Variants in ATAT1 observed in about 807,000 individuals in gnomAD.
ATAT1 encodes alpha-tubulin N-acetyltransferase 1.
A neutral mutation model predicts 57.2 loss-of-function variants in ATAT1; 42 were observed. That is an observed-to-expected ratio of 0.73 (90% CI 0.57 to 0.95). The LOEUF is 0.95. ATAT1 is among the 40% of genes least tolerant of loss of function. The pLI, the probability that ATAT1 is intolerant of heterozygous loss-of-function variation, is 0.00. For missense variants in ATAT1, 454 were observed against 523.7 expected, an observed-to-expected ratio of 0.87 and a Z score of 1.30; for synonymous variants, 168 against 187.1, an observed-to-expected ratio of 0.90 and a Z score of 0.83.
chr6:30,635,974 GAA>G (rs1374294543), intron 6 of ATAT1, among the ~76,000 whole-genome samples: 3 of 152,182 alleles, frequency 2.0e-5, no homozygotes, highest in Admixed American at 2.0e-4. Context: ...TCAGTAGAGA[GAA>G]AATATTATTA....
At position 30,642,832 on chromosome 6, in the gene ATAT1, A is replaced by AGGGGGGCC; in HGVS notation, c.754_755insGGGGGCCG (p.Ala252GlyfsTer70). The AGGGGGGCC allele has an allele frequency of 4.1e-6, 5 of 1,230,736 alleles. No individual in the cohort carries two copies. Among genetic ancestry groups the AGGGGGGCC allele is most frequent in the Non-Finnish European group, 5.6e-6 (5 of 892,676 alleles). The allele number at this position is 1,230,736 out of a possible 1,614,324, so 76.2% of individuals were successfully genotyped here. A position where few individuals can be genotyped will look rare whatever the true frequency, so the allele number is the denominator to read the frequency against. On this transcript the variant is annotated frameshift_variant, in exon 10 of 13. Coordinates refer to ENST00000330083, the MANE Select transcript of ATAT1 (RefSeq NM_001031722.4). LOFTEE classifies it high-confidence loss of function. ...GGGCCCCTCGCCGCGCCACACCTCCAGCCCACCCACCCCCCCGCTCCAGCA... is the reference window on the plus strand; with the variant it reads ...GGGCCCCTCGCCGCGCCACACCTCCAGGGGGGCCGCCCACCCACCCCCCCGCTCCAGCA...
intron 10 of ATAT1, among the ~76,000 whole-genome samples, chr6:30,645,219 CTTT>C (rs11312231): frequency 1.4e-5 from 2 of 142,966 alleles, no homozygotes; most frequent in Non-Finnish European, 3.1e-5. Context: ...TCTAAGGAAT[CTTT>C]TTTTTTTTTT....
At chr6:30,630,783 T>C (rs1762689414) in intron 6 of ATAT1, among the ~76,000 whole-genome samples, 1 of 144,776 alleles carries the variant, frequency 6.9e-6, no homozygotes, top group Non-Finnish European at 1.5e-5. Flanking sequence ...ACTAAAAATA[T>C]AAAAATTAAC....
At chr6:30,645,297 C>A (rs1466996835) in intron 10 of ATAT1, among the ~76,000 whole-genome samples, 1 of 151,598 alleles carries the variant, frequency 6.6e-6, no homozygotes, top group Non-Finnish European at 1.5e-5. Flanking sequence ...CTCACTGCAA[C>A]CTCCGCCTCC....
intron 8 of ATAT1, chr6:30,641,894 G>A: frequency 8.0e-7 from 1 of 1,253,246 alleles, no homozygotes; most frequent in Non-Finnish European, 1.0e-6. Context: ...TCCCTTGGCT[G>A]CCCTTCTCCT....
chr6:30,640,734 A>G, intron 8 of ATAT1, 131 bp downstream of exon 8: 1 of 1,041,628 alleles, frequency 9.6e-7, no homozygotes, highest in Non-Finnish European at 1.4e-6. Context: ...AGCAGTCATG[A>G]CTGTTTGCCT....
chr6:30,637,690 A>C (rs535195208), intron 6 of ATAT1, among the ~76,000 whole-genome samples: 1 of 151,934 alleles, frequency 6.6e-6, no homozygotes, highest in African/African-American at 2.4e-5. Context: ...GTTAAAAAAA[A>C]AAAAAGGCCG....
chr6:30,643,365 G>A (rs1233724613), intron 10 of ATAT1: 2 of 1,450,926 alleles, frequency 1.4e-6, no homozygotes, highest in African/African-American at 1.4e-5. Flanking sequence ...CAGAGAGTGG[G>A]AAGCCACTGG....
chr6:30,634,291 G>A (rs566189505), intron 6 of ATAT1, among the ~76,000 whole-genome samples: 77 of 151,490 alleles, frequency 5.1e-4, no homozygotes, highest in Middle Eastern at 3.4e-3. Context: ...TAGCTCTGTC[G>A]CCAGGCTCAA....
At chr6:30,639,536 G>A (rs1435579333) in intron 6 of ATAT1, among the ~76,000 whole-genome samples, 1 of 150,896 alleles carries the variant, frequency 6.6e-6, no homozygotes, top group East Asian at 2.0e-4. Flanking sequence ...GAGTGCAGTG[G>A]CACGATCTCA....
intron 6 of ATAT1, among the ~76,000 whole-genome samples, chr6:30,630,275 C>G (rs1281874021): frequency 3.3e-5 from 5 of 150,210 alleles, no homozygotes; most frequent in Non-Finnish European, 5.9e-5. Context: ...GAGCCAAGAT[C>G]GCGCCACTGC....
chr6:30,638,732 A>C (rs1206364996), intron 6 of ATAT1, among the ~76,000 whole-genome samples: 2 of 152,136 alleles, frequency 1.3e-5, no homozygotes, highest in Non-Finnish European at 2.9e-5. Context: ...AGAAGTCTGA[A>C]AGTTGAGGCC....
intron 10 of ATAT1, chr6:30,643,920 C>G (rs759895766): frequency 1.1e-5 from 13 of 1,137,066 alleles, no homozygotes; most frequent in Non-Finnish European, 1.4e-5. Context: ...GGTCTAAGGG[C>G]ATCCTGTGCC....
Position 30,627,536 on chromosome 6 carries a change from T to C in ATAT1, c.132+16T>C, listed in dbSNP as rs757122096. The C allele has an allele frequency of 7.4e-6, 12 of 1,611,482 alleles. No homozygotes were observed. The highest frequency in any genetic ancestry group is 1.0e-5 in the Non-Finnish European group (12 of 1,178,408). On this transcript the variant is annotated intron_variant, in intron 2 of 12. Coordinates refer to ENST00000330083, the MANE Select transcript of ATAT1 (RefSeq NM_001031722.4). ...TTCTGCCAAGGTACTGGAGAGTTTT[T>C]AGATGGAGTAAAGGGAGGACCTCTG... is the stretch of plus-strand genomic sequence containing the variant.
chr6:30,629,708 C>A (rs533855836), intron 6 of ATAT1, among the ~76,000 whole-genome samples: 53 of 152,244 alleles, frequency 3.5e-4, no homozygotes, highest in Middle Eastern at 3.4e-3. Flanking sequence ...CCATACCCAG[C>A]TAATTTTTTG....
intron 8 of ATAT1, chr6:30,641,756 G>C (rs1159670850): frequency 5.0e-6 from 5 of 1,002,474 alleles, no homozygotes; most frequent in Non-Finnish European, 5.9e-6. Flanking sequence ...AGCAATTCCT[G>C]ATTAACCAAG....
In ATAT1 at chr6:30,628,367, A is replaced by G. The variant is rs1199411643; in HGVS notation, c.438A>G (p.Arg146=). The change falls in exon 6 of 13, where the codon CGA becomes CGG. Residue 146 remains arginine (R), a synonymous_variant. Transcript: ENST00000330083. Reference sequence around the variant, plus strand: ...AACCGCACCAACTGGCAATTGACCGACCCTCACAGAAGCTGCTGAAATTCC... The same window carrying G: ...AACCGCACCAACTGGCAATTGACCGGCCCTCACAGAAGCTGCTGAAATTCC... The G allele has an allele frequency of 1.2e-6, 2 of 1,612,962 alleles. No individual in the cohort carries two copies. Among genetic ancestry groups the G allele is most frequent in the East Asian group, 4.5e-5 (2 of 44,882 alleles).
chr6:30,640,679 C>T (rs1765230546), intron 8 of ATAT1, 76 bp downstream of exon 8: 1 of 1,543,044 alleles, frequency 6.5e-7, no homozygotes, highest in Admixed American at 1.8e-5. Context: ...GGTACAGTGC[C>T]ATCTGTGGGC....
At chr6:30,631,029 A>G (rs1487177452) in intron 6 of ATAT1, among the ~76,000 whole-genome samples, 1 of 152,158 alleles carries the variant, frequency 6.6e-6, no homozygotes, top group Non-Finnish European at 1.5e-5. Context: ...GAGACAAACA[A>G]ACATAATAAA....
Sources: gnomAD v4.1 joint callset for allele counts (sites outside exome capture counted in the v4.1 genomes callset) on GRCh38, gnomAD v4.1.1 for gene constraint, MANE v1.5 for transcripts, NCBI Gene and HGNC (gene_info 2026-07-23, HGNC 2026-07-21) for gene names.